SCRN1: variants seen among roughly 807,000 people sequenced by gnomAD.
SCRN1 encodes secernin 1, also known as secernin-1.
A neutral mutation model predicts 43.3 loss-of-function variants in SCRN1; 19 were observed. The observed-to-expected ratio is 0.44, with a 90% CI of 0.31 to 0.64. The LOEUF is 0.64. SCRN1 is among the 30% of genes least tolerant of loss of function. The pLI is 0.09. For missense variants in SCRN1, 447 were observed against 524.1 expected (o/e 0.85, Z 1.44); for synonymous variants, 183 against 188.9 (o/e 0.97, Z 0.26).
chr7:29,989,800 T>A lies in SCRN1; in HGVS notation c.-160A>T. 2 of 988,646 alleles carry A rather than the reference T, an allele frequency of 2.0e-6. No homozygotes were observed. The highest frequency in any genetic ancestry group is 1.2e-6 in the Non-Finnish European group (1 of 832,762). 61.2% of individuals were successfully genotyped at this position (988,646 alleles called of 1,614,324 possible). A position where few individuals can be genotyped will look rare whatever the true frequency, so the allele number is the denominator to read the frequency against. ...GCCGGGCGCTTCCCCCTACCCAGAC[T>A]CCCGGCGCTGGGGCCCGCCGCCCCC... On this transcript the variant is annotated 5_prime_UTR_variant, in exon 1 of 8. Transcript: ENST00000242059.
In SCRN1 at chr7:29,977,603, C is replaced by T. The variant is rs539679698; in HGVS notation, c.-1-8535G>A. Among the ~76,000 whole-genome samples the T allele has an allele frequency of 2.6e-5, 4 of 152,356 alleles. No individual in the cohort carries two copies. The East Asian group carries it at 7.7e-4, about 29-fold the overall frequency. On this transcript the variant is annotated intron_variant, in intron 1 of 7. Coordinates refer to ENST00000242059, the MANE Select transcript of SCRN1 (RefSeq NM_014766.5). ...TTTACTAAGTGTTTCATTGAAAGCT[C>T]ATGAGAGTAGAGCATAAAGCTTTGG...
Position 29,924,115 on chromosome 7 carries a change from C to A in SCRN1, c.1087G>T (p.Glu363Ter). The change falls in exon 8 of 8, where the codon GAG (glutamate) becomes TAG (stop). Residue 363 changes from glutamate to a stop codon, truncating the protein, a stop_gained and splice_region_variant. Transcript: ENST00000242059. LOFTEE classifies it high-confidence loss of function. ...WARAIIESDQ[E>*]QGRKLRSTML... ...GTGCTCCTCAGCTTGCGACCTTGCT[C>A]CTGAGGAAGGACACGACTGCTTTAG... 1 of 1,609,294 alleles carries A rather than the reference C, an allele frequency of 6.2e-7. No individual in the cohort carries two copies. Among genetic ancestry groups the A allele is most frequent in the Non-Finnish European group, 8.5e-7 (1 of 1,178,614 alleles).
intron 2 of SCRN1, among the ~76,000 whole-genome samples, chr7:29,964,088 T>C (rs1420259463): frequency 6.6e-6 from 1 of 152,238 alleles, no homozygotes; most frequent in African/African-American, 2.4e-5. Context: ...ACTGTGAACC[T>C]TTTAAATATC....
At chr7:29,938,925 G>C (rs1197338613) in intron 5 of SCRN1, among the ~76,000 whole-genome samples, 1 of 152,032 alleles carries the variant, frequency 6.6e-6, no homozygotes, top group African/African-American at 2.4e-5. Flanking sequence ...AGCTGGTCTC[G>C]GCAATTATTA....
At chr7:29,967,074 G>T (rs149048252) in intron 2 of SCRN1, among the ~76,000 whole-genome samples, 245 of 152,158 alleles carry the variant, frequency 1.6e-3, no homozygotes, top group African/African-American at 5.1e-3. Context: ...GAAGCACAGA[G>T]CACCAAAGAA....
Position 29,940,846 on chromosome 7 carries a change from G to A in SCRN1, c.575C>T (p.Ser192Leu), listed in dbSNP as rs754338229. 21 of 1,559,504 alleles carry A rather than the reference G, an allele frequency of 1.3e-5. No individual in the cohort carries two copies. Among genetic ancestry groups the A allele is most frequent in the Non-Finnish European group, 1.5e-5 (17 of 1,159,770 alleles). The stretch of plus-strand genomic sequence containing the variant: ...CTCTGCATCCATCTTAGTGGTGAGC[G>A]AAAGCTGACTGCAAATGCACCTCAC... ...EGVRCICSQL[S>L]LTTKMDAEHP... The change falls in exon 5 of 8, where the codon TCG (serine) becomes TTG (leucine). Residue 192 changes from serine to leucine, a missense_variant. Coordinates refer to ENST00000242059, the MANE Select transcript of SCRN1 (RefSeq NM_014766.5).
intron 3 of SCRN1, among the ~76,000 whole-genome samples, chr7:29,946,313 G>A (rs903568121): frequency 2.0e-5 from 3 of 152,200 alleles, no homozygotes; most frequent in Non-Finnish European, 4.4e-5. Context: ...ACAAACAAAG[G>A]TGCTGTGAGT....
chr7:29,971,646 A>C (rs980713555), intron 1 of SCRN1, among the ~76,000 whole-genome samples: 7 of 152,006 alleles, frequency 4.6e-5, no homozygotes, highest in Non-Finnish European at 8.8e-5. Context: ...AAAAAAAAAA[A>C]AAAAACTTTA....
intron 2 of SCRN1, among the ~76,000 whole-genome samples, chr7:29,959,962 G>T: frequency 6.9e-6 from 1 of 144,428 alleles, no homozygotes; most frequent in African/African-American, 2.6e-5. Flanking sequence ...TGGGGGGAGG[G>T]AGGGAGGAGG....
intron 5 of SCRN1, among the ~76,000 whole-genome samples, chr7:29,938,738 C>T (rs1304034223): frequency 1.3e-5 from 2 of 152,192 alleles, no homozygotes; most frequent in Admixed American, 1.3e-4. Context: ...TAATCTATAA[C>T]CTATAGAAAC....
intron 3 of SCRN1, chr7:29,947,423 G>A: frequency 2.2e-6 from 3 of 1,371,258 alleles, no homozygotes; most frequent in Non-Finnish European, 2.0e-6. Context: ...TGGATTAGGA[G>A]ATCCCTGTCC....
chr7:29,962,477 A>T (rs1050297501), intron 2 of SCRN1, among the ~76,000 whole-genome samples: 23 of 151,868 alleles, frequency 1.5e-4, no homozygotes, highest in Admixed American at 1.1e-3. Flanking sequence ...ACTTGAGCTC[A>T]GGAGTTTTGA....
intron 5 of SCRN1, among the ~76,000 whole-genome samples, chr7:29,939,786 T>A (rs779865297): frequency 6.6e-6 from 1 of 152,170 alleles, no homozygotes; most frequent in Non-Finnish European, 1.5e-5. Flanking sequence ...CTGGAAGGAT[T>A]TCCACATAGG....
chr7:29,990,248 AG>A, upstream of SCRN1: 4 of 1,551,646 alleles, frequency 2.6e-6, no homozygotes, highest in Non-Finnish European at 2.6e-6. Context: ...CATGTTGGTA[AG>A]CCAGACCCTG....
At chr7:29,933,673 T>C (rs1322178607) in intron 6 of SCRN1, among the ~76,000 whole-genome samples, 3 of 152,226 alleles carry the variant, frequency 2.0e-5, no homozygotes, top group Non-Finnish European at 2.9e-5. Context: ...ACTCTGACTT[T>C]AGCATCTCCT....
At chr7:29,976,718 C>T (rs1788847156) in intron 1 of SCRN1, among the ~76,000 whole-genome samples, 2 of 152,222 alleles carry the variant, frequency 1.3e-5, no homozygotes, top group Admixed American at 1.3e-4. Context: ...TTCTAACCAC[C>T]ACTGTCCTCC....
intron 2 of SCRN1, among the ~76,000 whole-genome samples, chr7:29,966,463 G>GA (rs1667565739): frequency 6.6e-6 from 1 of 151,974 alleles, no homozygotes; most frequent in Admixed American, 6.6e-5. Context: ...TGTCTTTTGG[G>GA]AAAAAAAGAT....
intron 5 of SCRN1, among the ~76,000 whole-genome samples, chr7:29,939,754 T>C (rs1562805902): frequency 6.6e-6 from 1 of 152,106 alleles, no homozygotes; most frequent in Non-Finnish European, 1.5e-5. Flanking sequence ...CCAACAAATA[T>C]AGAATGACTG....
intron 1 of SCRN1, among the ~76,000 whole-genome samples, chr7:29,981,956 C>T (rs1487212102): frequency 6.6e-6 from 1 of 152,034 alleles, no homozygotes; most frequent in African/African-American, 2.4e-5. Flanking sequence ...CAAAGAATAG[C>T]GGGAAAGGAC....
Sources: gnomAD v4.1 joint callset for allele counts (sites outside exome capture counted in the v4.1 genomes callset) on GRCh38, gnomAD v4.1.1 for gene constraint, MANE v1.5 for transcripts, NCBI Gene and HGNC (gene_info 2026-07-23, HGNC 2026-07-21) for gene names.